The following ATG2B variants were observed in gnomAD, a reference collection of about 807,000 sequenced individuals.
The protein encoded by ATG2B is autophagy-related protein 2 homolog B.
Under a neutral mutation model 241.3 loss-of-function variants are expected in ATG2B, and 121 were observed. The observed-to-expected ratio is 0.50, with a 90% CI of 0.43 to 0.58. The LOEUF is 0.58. Ranked by LOEUF, ATG2B falls within the 20% of genes least tolerant of loss-of-function variation. The probability of loss-of-function intolerance (pLI) is 0.00; values close to 1 mark genes in which losing one functional copy is unlikely to be tolerated. For missense variants in ATG2B, 2,306 were observed against 2,491.6 expected (o/e 0.93, Z 1.59); for synonymous variants, 858 against 876.6 (o/e 0.98, Z 0.37).
intron 1 of ATG2B, among the ~76,000 whole-genome samples, chr14:96,350,785 G>GTAGT (rs1888295284): frequency 2.0e-5 from 3 of 152,060 alleles, no homozygotes. Flanking sequence ...TAATCCTAAA[G>GTAGT]ACTTTCCCAG....
intron 16 of ATG2B, among the ~76,000 whole-genome samples, 193 bp from the exon 17 acceptor site, chr14:96,322,928 A>C (rs1306729868): frequency 6.6e-6 from 1 of 152,212 alleles, no homozygotes; most frequent in Non-Finnish European, 1.5e-5. Context: ...GAACTGAAAC[A>C]AGTAAGTAAC....
rs771486967 is a variant in ATG2B at position 96,285,744 on chromosome 14, G to A, written c.*11C>T. On this transcript the variant is annotated 3_prime_UTR_variant, in exon 42 of 42. Transcript: ENST00000359933. This position sits in a 1 kb window ranked among gnomAD's most constrained non-coding sequence, Gnocchi z 4.2. ...CACTCTCCTTATCTTCACACTGTCA[G>A]TTCCAAGCCATCAGTCATCCCCGTG... 2.5e-6 allele frequency: 4 copies of A among 1,612,742 alleles called. No individual in the cohort carries two copies. In the East Asian group the frequency reaches 6.7e-5, roughly 27 times the overall value.
At chr14:96,353,943 C>T (rs1263624555) in intron 1 of ATG2B, among the ~76,000 whole-genome samples, 23 of 151,782 alleles carry the variant, frequency 1.5e-4, no homozygotes, top group Admixed American at 3.9e-4. Flanking sequence ...ATAATGTGTA[C>T]GATTTTTAAA....
In ATG2B at chr14:96,289,103, T is replaced by C. The variant is rs1886414068; in HGVS notation, c.6006+553A>G. 6.6e-6 allele frequency among the ~76,000 whole-genome samples: 1 copy of C among 152,200 alleles called. No individual in the cohort carries two copies. Among genetic ancestry groups the C allele is most frequent in the South Asian group, 2.1e-4 (1 of 4,830 alleles). ...GGATTAAGATTAACATGGATCTATC[T>C]TGAAATAAGTTGCAGAATGAGACAC... On this transcript the variant is annotated intron_variant, in intron 41 of 41. Transcript: ENST00000359933. The surrounding 1 kb of genome is among the most constrained non-coding windows in gnomAD (Gnocchi z 4.3).
Position 96,317,827 on chromosome 14 carries a change from G to C in ATG2B, c.2908C>G (p.Pro970Ala). The change falls in exon 19 of 42, where the codon CCA becomes GCA. Residue 970 changes from proline (P) to alanine (A), a missense_variant. Pro to Ala is a conservative substitution (Grantham distance 27). Coordinates refer to ENST00000359933, the MANE Select transcript of ATG2B (RefSeq NM_018036.7). ...RIFNDLLLWE[P>A]TAPSPVETFE... ...GTCTCCACTGGTGAAGGAGCTGTTG[G>C]TTCCCACAGTAGCAAGTCATTAAAG... 1.2e-6 allele frequency: 2 copies of C among 1,610,922 alleles called. No homozygotes were observed. Among genetic ancestry groups the C allele is most frequent in the South Asian group, 2.2e-5 (2 of 90,512 alleles).
intron 1 of ATG2B, among the ~76,000 whole-genome samples, chr14:96,358,835 C>A (rs1304963486): frequency 6.6e-6 from 1 of 152,024 alleles, no homozygotes; most frequent in Non-Finnish European, 1.5e-5. Context: ...CTGAACTACT[C>A]AGCAAATAAA....
rs1228598183 is a variant in ATG2B, at chr14:96,290,528, C to T, written c.5764G>A (p.Val1922Ile). The T allele has an allele frequency of 6.2e-7, 1 of 1,614,214 alleles. No homozygotes were observed. Among genetic ancestry groups the T allele is most frequent in the Non-Finnish European group, 8.5e-7 (1 of 1,180,034 alleles). Reference protein sequence around the residue: ...IEQYRKDGRIVRGFQRGAASF... With the variant: ...IEQYRKDGRIIRGFQRGAASF... Reference sequence around the variant, plus strand: ...GCAGCGCCTCTCTGAAACCCTCTGACAATGCGGCCATCCTTCCGGTACTGC... The same window carrying T: ...GCAGCGCCTCTCTGAAACCCTCTGATAATGCGGCCATCCTTCCGGTACTGC... Residue 1922 changes from valine to isoleucine, a missense_variant, in exon 40 of 42, where the codon GTC (valine) becomes ATC (isoleucine). Coordinates refer to ENST00000359933, the MANE Select transcript of ATG2B (RefSeq NM_018036.7). The surrounding 1 kb of genome is among the most constrained non-coding windows in gnomAD (Gnocchi z 4.4).
chr14:96,362,724 G>T, intron 1 of ATG2B, 91 bp downstream of exon 1: 1 of 1,303,208 alleles, frequency 7.7e-7, no homozygotes, highest in Non-Finnish European at 1.1e-6. Context: ...CCCAAGGAGG[G>T]ACTGACTGTC....
chr14:96,334,610 G>C, intron 6 of ATG2B, 109 bp from the exon 7 acceptor site: 2 of 571,188 alleles, frequency 3.5e-6, no homozygotes, highest in Non-Finnish European at 3.0e-6. Flanking sequence ...CTTTAGTCTT[G>C]GAGTCCTTCA....
intron 6 of ATG2B, among the ~76,000 whole-genome samples, chr14:96,340,359 T>C (rs911861489): frequency 1.2e-4 from 18 of 151,542 alleles, no homozygotes; most frequent in African/African-American, 4.4e-4. Flanking sequence ...AATGGAATAT[T>C]ATTCAACCAT....
In ATG2B at chr14:96,325,656, T is replaced by C. The variant is rs1214512497; in HGVS notation, c.2430A>G (p.Glu810=). ...EQIKLELTFR[E]LIGSFQEEKG... ...AGGCACATTCAATCTTACCAATTAG[T>C]TCTCTAAAGGTAAGTTCCAATTTAA... Residue 810 remains glutamate, a synonymous_variant, in exon 15 of 42, where the codon GAA becomes GAG. Coordinates refer to ENST00000359933, the MANE Select transcript of ATG2B (RefSeq NM_018036.7). 4 of 1,611,236 alleles carry C rather than the reference T, an allele frequency of 2.5e-6. No individual in the cohort carries two copies. The Admixed American group carries it at 6.7e-5, about 27-fold the overall frequency.
chr14:96,305,827 A>G lies in ATG2B; in HGVS notation c.4507-12T>C. ...TCTTCTTCCTTCTCCTAAAATAAAC[A>G]AACAGGTAACACATACTCTCTTTTC... is the stretch of plus-strand genomic sequence containing the variant. On this transcript the variant is annotated splice_polypyrimidine_tract_variant and intron_variant, in intron 30 of 41. Coordinates refer to ENST00000359933, the MANE Select transcript of ATG2B (RefSeq NM_018036.7). 1 of 1,601,684 alleles carries G rather than the reference A, an allele frequency of 6.2e-7. No individual in the cohort carries two copies.
intron 6 of ATG2B, among the ~76,000 whole-genome samples, chr14:96,340,307 A>G (rs1887999583): frequency 6.6e-6 from 1 of 150,570 alleles, no homozygotes; most frequent in African/African-American, 2.4e-5. Context: ...CTACATATCC[A>G]TCAACAGATG....
chr14:96,317,798 G>A lies in ATG2B; in HGVS notation c.2937C>T (p.Phe979=), dbSNP rs113424169. 113 of 1,612,600 alleles carry A rather than the reference G, an allele frequency of 7.0e-5. 1 individual carries two copies. The African/African-American group carries it at 7.5e-4, about 11-fold the overall frequency. Residue 979 remains phenylalanine, a synonymous_variant, in exon 19 of 42, where the codon TTC becomes TTT. Coordinates refer to ENST00000359933, the MANE Select transcript of ATG2B (RefSeq NM_018036.7). The part of the protein sequence containing the change: ...EPTAPSPVET[F]ENISYGIGLS... Reference sequence around the variant, plus strand: ...GCCCAATGCCATAGGAAATATTCTCGAATGTCTCCACTGGTGAAGGAGCTG... The same window carrying A: ...GCCCAATGCCATAGGAAATATTCTCAAATGTCTCCACTGGTGAAGGAGCTG...
At chr14:96,294,532 C>T (rs536008359) in intron 36 of ATG2B, among the ~76,000 whole-genome samples, 10 of 152,044 alleles carry the variant, frequency 6.6e-5, no homozygotes, top group African/African-American at 1.9e-4. Flanking sequence ...AGACACATAA[C>T]GACTGGGAAG....
chr14:96,296,073 C>G (rs1367868057), intron 34 of ATG2B, among the ~76,000 whole-genome samples: 1 of 152,198 alleles, frequency 6.6e-6, no homozygotes, highest in African/African-American at 2.4e-5. Context: ...CCTGCCTCAG[C>G]CTCCCAAGTG....
chr14:96,291,049 T>A lies in ATG2B; in HGVS notation c.5580-114A>T. On this transcript the variant is annotated intron_variant, in intron 38 of 41. Transcript: ENST00000359933. ...TTCTACAAATTATAAGGGCAAATAT[T>A]ACAGGTGCTTCAAAAACAGGTAACA... 3 of 850,782 alleles carry A rather than the reference T, an allele frequency of 3.5e-6. No homozygotes were observed. The South Asian group carries it at 6.3e-5, about 18-fold the overall frequency. The allele number at this position is 850,782 out of a possible 1,614,324, so 52.7% of individuals were successfully genotyped here.
At chr14:96,305,902 TC>T in intron 30 of ATG2B, 87 bp from the exon 31 acceptor site, 3 of 985,940 alleles carry the variant, frequency 3.0e-6, no homozygotes, top group Non-Finnish European at 4.5e-6. Flanking sequence ...CATTCTTGCT[TC>T]TACATTCTTT....
chr14:96,344,229 G>A (rs1467868987), intron 4 of ATG2B, among the ~76,000 whole-genome samples: 2 of 152,100 alleles, frequency 1.3e-5, no homozygotes, highest in Admixed American at 6.5e-5. Context: ...TCAAAACAGT[G>A]GCCTTAGCCT....
Sources: allele counts gnomAD v4.1 joint callset (sites outside exome capture counted in the v4.1 genomes callset), GRCh38; gene constraint gnomAD v4.1.1; non-coding constraint Gnocchi (gnomAD v3.1); transcripts MANE v1.5; gene names NCBI Gene and HGNC (gene_info 2026-07-23, HGNC 2026-07-21).